Variants in GALNTL6 observed in about 807,000 individuals in gnomAD.
GALNTL6 encodes the protein polypeptide N-acetylgalactosaminyltransferase like 6.
Under a neutral mutation model 73.7 loss-of-function variants are expected in GALNTL6, and 46 were observed. The observed-to-expected ratio is 0.62, with a 90% confidence interval of 0.49 to 0.80. GALNTL6 has a LOEUF of 0.80. Ranked by LOEUF, GALNTL6 falls within the 30% of genes least tolerant of loss-of-function variation. GALNTL6 has a pLI of 0.00. For synonymous variants in GALNTL6, 259 were observed against 263.7 expected (o/e 0.98, Z 0.17); for missense variants, 604 against 755.0 (o/e 0.80, Z 2.34).
At chr4:171,942,853 A>T (rs1320306757) in intron 2 of GALNTL6, among the ~76,000 whole-genome samples, 1 of 152,190 alleles carries the variant, frequency 6.6e-6, no homozygotes, top group Admixed American at 6.6e-5. Context: ...TTTGGCCATG[A>T]CTTGCATCAG....
At chr4:172,662,585 C>T (rs1200802419) in intron 5 of GALNTL6, among the ~76,000 whole-genome samples, 1 of 152,194 alleles carries the variant, frequency 6.6e-6, no homozygotes, top group Non-Finnish European at 1.5e-5. Flanking sequence ...TAAACTGCAT[C>T]ATACTAAGCC....
chr4:172,800,503 G>T (rs1005602009), intron 5 of GALNTL6, among the ~76,000 whole-genome samples: 18 of 152,010 alleles, frequency 1.2e-4, no homozygotes, highest in Admixed American at 3.9e-4. Flanking sequence ...AATATTTTTA[G>T]GGTCAAATAG....
At chr4:172,976,307 G>T (rs1167860867) in intron 10 of GALNTL6, among the ~76,000 whole-genome samples, 1 of 152,190 alleles carries the variant, frequency 6.6e-6, no homozygotes, top group African/African-American at 2.4e-5. Context: ...ATTCTATTTA[G>T]AAGAAGTTAA....
intron 5 of GALNTL6, among the ~76,000 whole-genome samples, chr4:172,603,277 G>A (rs1738136371): frequency 6.6e-6 from 1 of 152,136 alleles, no homozygotes; most frequent in Admixed American, 6.5e-5. Flanking sequence ...CATATCCTAA[G>A]CTTTCACTTG....
At chr4:172,893,519 C>A (rs1030987358) in intron 8 of GALNTL6, among the ~76,000 whole-genome samples, 1 of 152,148 alleles carries the variant, frequency 6.6e-6, no homozygotes, top group Non-Finnish European at 1.5e-5. Context: ...AGGCAACCAG[C>A]AAAACACTCA....
intron 2 of GALNTL6, among the ~76,000 whole-genome samples, chr4:171,948,962 TAC>T (rs3080339): frequency 0.026 from 3,265 of 123,626 alleles, 92 homozygotes; most frequent in East Asian, 0.058. Flanking sequence ...CATATATATA[TAC>T]ACACACACAC....
intron 2 of GALNTL6, among the ~76,000 whole-genome samples, chr4:172,001,285 C>T: frequency 6.6e-6 from 1 of 152,120 alleles, no homozygotes; most frequent in East Asian, 1.9e-4. Flanking sequence ...GAGGAAAGCC[C>T]ATCCCAAAAT....
At position 172,955,752 on chromosome 4, in the gene GALNTL6, AAAG is replaced by A. The variant is rs886384305; in HGVS notation, c.1371+3498_1371+3500del. ...CTGAGTGCAAGTGGGCTGAGTCCGA[AAAG>A]AAGGGAGATAGGGGTGGGGCCGTTT... On this transcript the variant is annotated intron_variant, in intron 10 of 12. Transcript: ENST00000506823. Among the ~76,000 whole-genome samples the A allele has an allele frequency of 9.1e-4, 138 of 152,158 alleles. 1 individual carries two copies. The highest frequency in any genetic ancestry group is 3.2e-3 in the African/African-American group (131 of 41,504).
chr4:171,998,071 A>G (rs757163780), intron 2 of GALNTL6, among the ~76,000 whole-genome samples: 10 of 152,140 alleles, frequency 6.6e-5, no homozygotes, highest in Non-Finnish European at 1.2e-4. Flanking sequence ...ACCCCATTAG[A>G]TATTAAAGTG....
chr4:172,219,414 A>G (rs1270592640), intron 2 of GALNTL6, among the ~76,000 whole-genome samples: 2 of 151,698 alleles, frequency 1.3e-5, no homozygotes, highest in East Asian at 3.9e-4. Context: ...ATCTTTCTCA[A>G]CATTTATTAA....
intron 2 of GALNTL6, among the ~76,000 whole-genome samples, chr4:171,822,275 A>G (rs1276856112): frequency 1.3e-5 from 2 of 152,220 alleles, no homozygotes; most frequent in Admixed American, 1.3e-4. Flanking sequence ...TAGGGGACAG[A>G]TAAAACATAT....
intron 2 of GALNTL6, among the ~76,000 whole-genome samples, chr4:172,150,232 C>T (rs1734041884): frequency 6.6e-6 from 1 of 152,184 alleles, no homozygotes; most frequent in South Asian, 2.1e-4. Flanking sequence ...GCCTTGCATA[C>T]TCAATGTCTG....
chr4:172,369,087 C>G lies in GALNTL6; in HGVS notation c.553+20398C>G, dbSNP rs888134203. ...AGCCTGCTCTTATTCCCTTATGTGC[C>G]CCCCCCCACATCCTGCTGATTGGTC... On this transcript the variant is annotated intron_variant, in intron 5 of 12. Transcript: ENST00000506823. Among the ~76,000 whole-genome samples the G allele has an allele frequency of 5.4e-3, 816 of 152,224 alleles. 6 individuals are homozygous for G. Among genetic ancestry groups the G allele is most frequent in the African/African-American group, 0.018 (759 of 41,520 alleles).
At chr4:172,962,659 G>C (rs1028450425) in intron 10 of GALNTL6, among the ~76,000 whole-genome samples, 1 of 152,016 alleles carries the variant, frequency 6.6e-6, no homozygotes, top group Non-Finnish European at 1.5e-5. Context: ...GGGAGATCTG[G>C]GCCAAGAAGC....
chr4:172,855,208 A>AAG (rs1553995892), intron 7 of GALNTL6, among the ~76,000 whole-genome samples: 1 of 151,368 alleles, frequency 6.6e-6, no homozygotes, highest in African/African-American at 2.4e-5. Flanking sequence ...AAAAAAAAAA[A>AAG]AAAGAAACAC....
intron 2 of GALNTL6, among the ~76,000 whole-genome samples, chr4:172,053,892 A>G (rs1409698825): frequency 6.6e-6 from 1 of 152,144 alleles, no homozygotes; most frequent in Non-Finnish European, 1.5e-5. Context: ...ACAAATAAAT[A>G]ATATATATCC....
At chr4:172,105,017 A>T (rs1359811841) in intron 2 of GALNTL6, among the ~76,000 whole-genome samples, 1 of 152,216 alleles carries the variant, frequency 6.6e-6, no homozygotes, top group African/African-American at 2.4e-5. Context: ...ACAAAAAGTC[A>T]TAAATAGTCA....
At chr4:172,233,190 G>T (rs1470354967) in intron 3 of GALNTL6, among the ~76,000 whole-genome samples, 2 of 138,902 alleles carry the variant, frequency 1.4e-5, no homozygotes, top group East Asian at 4.1e-4. Flanking sequence ...GAAACATAGC[G>T]AGACCTCATC....
intron 2 of GALNTL6, among the ~76,000 whole-genome samples, chr4:172,111,551 T>C (rs1464190486): frequency 6.6e-6 from 1 of 152,082 alleles, no homozygotes; most frequent in African/African-American, 2.4e-5. Flanking sequence ...ACCCCTTCTT[T>C]TGTACAAATT....
Sources: allele counts gnomAD v4.1 joint callset (sites outside exome capture counted in the v4.1 genomes callset), GRCh38; gene constraint gnomAD v4.1.1; transcripts MANE v1.5; gene names NCBI Gene and HGNC (gene_info 2026-07-23, HGNC 2026-07-21).